BLK: variants seen among roughly 807,000 people sequenced by gnomAD.
BLK encodes tyrosine-protein kinase Blk.
BLK carries 64 observed loss-of-function variants against 61.8 expected under a neutral mutation model. The observed-to-expected ratio is 1.03, with a 90% CI of 0.85 to 1.27. The LOEUF (loss-of-function observed/expected upper bound fraction) is 1.27. Among genes scored for constraint, BLK ranks in the 50% most tolerant of loss-of-function variants. BLK has a pLI of 0.00. For missense variants in BLK, 853 were observed against 660.5 expected, an observed-to-expected ratio of 1.29 and a Z score of -3.19; for synonymous variants, 351 against 272.0, an observed-to-expected ratio of 1.29 and a Z score of -2.86.
chr8:11,527,579 G>C (rs1432350472), intron 1 of BLK, among the ~76,000 whole-genome samples: 5 of 151,888 alleles, frequency 3.3e-5, no homozygotes, highest in Non-Finnish European at 7.4e-5. Context: ...GTGAAGGTCA[G>C]GACTTTTATG....
At chr8:11,544,538 T>G (rs1482200298) in intron 2 of BLK, among the ~76,000 whole-genome samples, 1 of 152,198 alleles carries the variant, frequency 6.6e-6, no homozygotes, top group Non-Finnish European at 1.5e-5. Flanking sequence ...GAATAAATAA[T>G]TGATCAAATG....
At chr8:11,524,973 T>C (rs940310000) in intron 1 of BLK, among the ~76,000 whole-genome samples, 1 of 152,026 alleles carries the variant, frequency 6.6e-6, no homozygotes, top group Non-Finnish European at 1.5e-5. Flanking sequence ...AGAGTGGCTG[T>C]CTCTGGATGA....
At position 11,526,300 on chromosome 8, in the gene BLK, T is replaced by C. The variant is rs904255403; in HGVS notation, c.-1-16924T>C. Among the ~76,000 whole-genome samples the C allele has an allele frequency of 2.0e-5, 3 of 152,256 alleles. No individual in the cohort carries two copies. In the East Asian group the frequency reaches 5.8e-4, roughly 29 times the overall value. ...TATGACTTTAAATAATATATTTAAA[T>C]GTTTACGTCTCAATTCATTAGCTTT... is the stretch of plus-strand genomic sequence containing the variant. On this transcript the variant is annotated intron_variant, in intron 1 of 12. Coordinates refer to ENST00000259089, the MANE Select transcript of BLK (RefSeq NM_001715.3).
At chr8:11,545,317 G>T (rs1800581086) in intron 2 of BLK, among the ~76,000 whole-genome samples, 1 of 152,196 alleles carries the variant, frequency 6.6e-6, no homozygotes, top group Non-Finnish European at 1.5e-5. Flanking sequence ...GGGAGGCCGA[G>T]GTGGGAGGAT....
intron 6 of BLK, 84 bp downstream of exon 6, chr8:11,550,346 G>C: frequency 7.6e-7 from 1 of 1,321,284 alleles, no homozygotes; most frequent in East Asian, 2.3e-5. Flanking sequence ...GAGTGAGAGG[G>C]GAAGGGGTGA....
chr8:11,556,207 A>G (rs765822921), intron 8 of BLK: 1 of 270,776 alleles, frequency 3.7e-6, no homozygotes, highest in Non-Finnish European at 7.2e-6. Flanking sequence ...GGAGATACAG[A>G]TAGTTTAAGG....
At chr8:11,519,140 G>A (rs1441862775) in intron 1 of BLK, among the ~76,000 whole-genome samples, 1 of 152,212 alleles carries the variant, frequency 6.6e-6, no homozygotes, top group Admixed American at 6.5e-5. Flanking sequence ...GGAGCTGCCA[G>A]CTGTGGCCTC....
intron 1 of BLK, among the ~76,000 whole-genome samples, chr8:11,539,312 A>C (rs908769234): frequency 4.6e-5 from 7 of 152,194 alleles, no homozygotes; most frequent in African/African-American, 7.2e-5. Flanking sequence ...ATGGTACCGA[A>C]ATTCCTCTTG....
At chr8:11,562,193 A>T (rs985938507) in intron 11 of BLK, among the ~76,000 whole-genome samples, 11 of 152,192 alleles carry the variant, frequency 7.2e-5, no homozygotes, top group African/African-American at 2.7e-4. Context: ...CACAGCTCTC[A>T]TGTGCGATCA....
intron 3 of BLK, among the ~76,000 whole-genome samples, chr8:11,547,495 G>A (rs1162909625): frequency 6.6e-6 from 1 of 152,196 alleles, no homozygotes; most frequent in African/African-American, 2.4e-5. Context: ...CCAGCAAGGT[G>A]GGGGGCCCGG....
intron 1 of BLK, among the ~76,000 whole-genome samples, chr8:11,529,460 C>T (rs555638218): frequency 8.5e-5 from 13 of 152,160 alleles, no homozygotes; most frequent in African/African-American, 3.1e-4. Context: ...ATCAGATGAG[C>T]TGGTTTCTTG....
intron 1 of BLK, among the ~76,000 whole-genome samples, chr8:11,516,331 C>A (rs113758859): frequency 2.0e-5 from 3 of 152,318 alleles, no homozygotes; most frequent in African/African-American, 4.8e-5. Context: ...TAGACCACAC[C>A]GCACAGTGGA....
chr8:11,542,212 T>C (rs1482004544), intron 1 of BLK, among the ~76,000 whole-genome samples: 1 of 152,332 alleles, frequency 6.6e-6, no homozygotes, highest in East Asian at 1.9e-4. Context: ...AAAAAAATGC[T>C]GCTACTAGTT....
chr8:11,545,926 A>T, intron 2 of BLK, 126 bp from the exon 3 acceptor site: 1 of 974,002 alleles, frequency 1.0e-6, no homozygotes, highest in Non-Finnish European at 1.7e-6. Context: ...CCCCACAGGC[A>T]GCTGCCTCTC....
intron 6 of BLK, among the ~76,000 whole-genome samples, chr8:11,550,465 C>T (rs999619956): frequency 1.2e-4 from 18 of 152,262 alleles, no homozygotes; most frequent in African/African-American, 3.9e-4. Flanking sequence ...CGGCTGGAAA[C>T]CACCTGGGCA....
chr8:11,546,280 A>G (rs1159376187), intron 3 of BLK, among the ~76,000 whole-genome samples, 177 bp downstream of exon 3: 2 of 152,224 alleles, frequency 1.3e-5, no homozygotes, highest in African/African-American at 4.8e-5. Flanking sequence ...GGAACCAAGA[A>G]CAAGTTTCTT....
chr8:11,534,478 G>A (rs1445942912), intron 1 of BLK, among the ~76,000 whole-genome samples: 1 of 152,018 alleles, frequency 6.6e-6, no homozygotes, highest in Non-Finnish European at 1.5e-5. Context: ...AAGCTTCTCT[G>A]TTAGCAGAAT....
chr8:11,550,181 C>T lies in BLK; in HGVS notation c.391C>T (p.Arg131Trp), dbSNP rs73663163. The T allele has an allele frequency of 8.5e-4, 1,372 of 1,614,070 alleles. No individual in the cohort carries two copies. Among genetic ancestry groups the T allele is most frequent in the Non-Finnish European group, 1.1e-3 (1,279 of 1,179,984 alleles). ...CAGGTGGTTCTTTAGATCACAGGGT[C>T]GGAAGGAGGCTGAGAGGCAGCTTCT... is the stretch of plus-strand genomic sequence containing the variant. ...MERWFFRSQGRKEAERQLLAP... is the reference protein window; with the variant it reads ...MERWFFRSQGWKEAERQLLAP... The change falls in exon 6 of 13, where the codon CGG (arginine) becomes TGG (tryptophan). Residue 131 changes from arginine to tryptophan, a missense_variant. Coordinates refer to ENST00000259089, the MANE Select transcript of BLK (RefSeq NM_001715.3).
chr8:11,516,238 G>C (rs903544411), intron 1 of BLK, among the ~76,000 whole-genome samples: 7 of 152,172 alleles, frequency 4.6e-5, no homozygotes, highest in Non-Finnish European at 1.0e-4. Flanking sequence ...GTAGAACGGG[G>C]GTGCGAGAGC....
Sources: allele counts gnomAD v4.1 joint callset (sites outside exome capture counted in the v4.1 genomes callset), GRCh38; gene constraint gnomAD v4.1.1; transcripts MANE v1.5; gene names NCBI Gene and HGNC (gene_info 2026-07-23, HGNC 2026-07-21).